Variants in GOLGA1 observed in about 807,000 individuals in gnomAD.
The protein encoded by GOLGA1 is golgin A1.
A neutral mutation model predicts 119.7 loss-of-function variants in GOLGA1; 63 were observed. The ratio of observed to expected loss-of-function variants is 0.53; its 90% CI spans 0.43 to 0.65. GOLGA1 has a LOEUF of 0.65. Ranked by LOEUF, GOLGA1 falls within the 30% of genes least tolerant of loss-of-function variation. The probability of loss-of-function intolerance (pLI) is 0.00; values close to 1 mark genes in which losing one functional copy is unlikely to be tolerated. For synonymous variants in GOLGA1, 318 were observed against 333.4 expected, an observed-to-expected ratio of 0.95 and a Z score of 0.50; for missense variants, 798 against 912.8, an observed-to-expected ratio of 0.87 and a Z score of 1.62.
chr9:124,935,871 G>C (rs898210956), intron 3 of GOLGA1, among the ~76,000 whole-genome samples: 1 of 152,042 alleles, frequency 6.6e-6, no homozygotes, highest in Non-Finnish European at 1.5e-5. Context: ...AGGGTTTCTG[G>C]CTGGTGACTT....
At chr9:124,906,419 A>G (rs144859341) in intron 12 of GOLGA1, among the ~76,000 whole-genome samples, 1,706 of 151,296 alleles carry the variant, frequency 0.011, 12 homozygotes, top group Middle Eastern at 0.024. Context: ...CGACAGAGTG[A>G]GACTCTATCT....
chr9:124,929,099 C>T (rs1350447325), intron 5 of GOLGA1, 117 bp downstream of exon 5: 1 of 689,296 alleles, frequency 1.5e-6, no homozygotes. Flanking sequence ...AAGAAGTACA[C>T]TACTTATAAA....
chr9:124,900,716 C>T (rs909875859), intron 12 of GOLGA1, among the ~76,000 whole-genome samples, 169 bp from the exon 13 acceptor site: 2 of 152,180 alleles, frequency 1.3e-5, no homozygotes, highest in Non-Finnish European at 2.9e-5. Context: ...AGCATTCTAA[C>T]GTATTTTCTT....
chr9:124,884,148 A>G (rs754077515), intron 19 of GOLGA1, among the ~76,000 whole-genome samples: 5 of 151,768 alleles, frequency 3.3e-5, no homozygotes, highest in Non-Finnish European at 7.4e-5. Flanking sequence ...AGTAGCTGGG[A>G]TTACAGGTGT....
intron 2 of GOLGA1, among the ~76,000 whole-genome samples, chr9:124,939,417 T>A (rs535687543): frequency 1.3e-5 from 2 of 152,202 alleles, no homozygotes; most frequent in South Asian, 4.1e-4. Context: ...TAGGAAAAGC[T>A]GGTAACAGAA....
chr9:124,896,943 G>A (rs1037538084), intron 15 of GOLGA1, among the ~76,000 whole-genome samples: 37 of 151,134 alleles, frequency 2.4e-4, no homozygotes, highest in Admixed American at 1.3e-4. Context: ...AAAAAAAAAA[G>A]ACCTGCCAGG....
Position 124,890,448 on chromosome 9 carries a change from C to T in GOLGA1, c.1438G>A (p.Val480Met), listed in dbSNP as rs78804812. ...TCCTCCAGGGCTTGAGCCATGGCCA[C>T]GCTCACAATTTCTCTTTGGCTCCAT... is the stretch of plus-strand genomic sequence containing the variant. ...EEWSQREIVS[V>M]AMAQALEEVR... Residue 480 changes from valine (V) to methionine (M), a missense_variant, in exon 16 of 23, where the codon GTG becomes ATG. Physicochemically the swap from Val to Met is conservative, Grantham distance 21. Transcript: ENST00000373555. 1.9e-5 allele frequency: 30 copies of T among 1,613,758 alleles called. No individual in the cohort carries two copies. Among genetic ancestry groups the T allele is most frequent in the East Asian group, 6.7e-5 (3 of 44,888 alleles).
At chr9:124,922,085 G>A (rs535208859) in intron 8 of GOLGA1, among the ~76,000 whole-genome samples, 193 bp from the exon 9 acceptor site, 7 of 152,036 alleles carry the variant, frequency 4.6e-5, no homozygotes, top group African/African-American at 9.6e-5. Context: ...AACATTAGCC[G>A]GGCGTGGTGG....
At chr9:124,918,651 G>A (rs1478109189) in intron 10 of GOLGA1, among the ~76,000 whole-genome samples, 1 of 152,170 alleles carries the variant, frequency 6.6e-6, no homozygotes, top group African/African-American at 2.4e-5. Context: ...TGCTATTCAG[G>A]AGGCTGAGGT....
chr9:124,881,682 G>T lies in GOLGA1; in HGVS notation c.2136+102C>A. 1 of 809,358 alleles carries T rather than the reference G, an allele frequency of 1.2e-6. No individual in the cohort carries two copies. Among genetic ancestry groups the T allele is most frequent in the South Asian group, 1.8e-5 (1 of 56,614 alleles). The allele number at this position is 809,358 out of a possible 1,614,324, so 50.1% of individuals were successfully genotyped here. ...GGTGACCACAAGGGCGTCAAACCAG[G>T]ATGTACGAGGAAAAGAGAGAAAGGG... On this transcript the variant is annotated intron_variant, in intron 21 of 22. Coordinates refer to ENST00000373555, the MANE Select transcript of GOLGA1 (RefSeq NM_002077.4). This position sits in a 1 kb window ranked among gnomAD's most constrained non-coding sequence, Gnocchi z 4.9.
rs192166647 is a variant in GOLGA1, at chr9:124,916,124, A to C, written c.844-4098T>G. The stretch of plus-strand genomic sequence containing the variant: ...CTCTAAATAAATAAATAAATAAATA[A>C]ATAAATACATAAATATACTTATTTA... On this transcript the variant is annotated intron_variant, in intron 10 of 22. Transcript: ENST00000373555. Among the ~76,000 whole-genome samples the C allele has an allele frequency of 1.9e-3, 293 of 151,246 alleles. 4 individuals are homozygous for C. Among genetic ancestry groups the C allele is most frequent in the Non-Finnish European group, 2.3e-3 (157 of 67,778 alleles).
intron 9 of GOLGA1, 82 bp downstream of exon 9, chr9:124,921,641 G>T: frequency 9.2e-7 from 1 of 1,090,222 alleles, no homozygotes; most frequent in Non-Finnish European, 1.4e-6. Context: ...GTGGTGTAAT[G>T]AACAATGGGG....
intron 13 of GOLGA1, among the ~76,000 whole-genome samples, chr9:124,899,933 C>T (rs1471617044): frequency 6.6e-6 from 1 of 152,270 alleles, no homozygotes; most frequent in Non-Finnish European, 1.5e-5. Flanking sequence ...GCCTCGTCTA[C>T]AGGATGAGGA....
chr9:124,909,796 C>T (rs1830306527), intron 11 of GOLGA1, among the ~76,000 whole-genome samples: 1 of 152,058 alleles, frequency 6.6e-6, no homozygotes, highest in Admixed American at 6.6e-5. Flanking sequence ...TGGAATTTCA[C>T]TCTTGTCGCT....
rs781587310 is a variant in GOLGA1, at chr9:124,881,145, T to C, written c.2223+26A>G. On this transcript the variant is annotated intron_variant, in intron 22 of 22. Coordinates refer to ENST00000373555, the MANE Select transcript of GOLGA1 (RefSeq NM_002077.4). This position sits in a 1 kb window ranked among gnomAD's most constrained non-coding sequence, Gnocchi z 4.9. ...ATAACTGACAACGTATCTTGGAAGC[T>C]GGAACAGTAGACCAGAGAACCCTAC... 7.4e-6 allele frequency: 9 copies of C among 1,210,012 alleles called. No homozygotes were observed. In the African/African-American group the frequency reaches 1.3e-4, roughly 18 times the overall value. 75.0% of individuals were successfully genotyped at this position (1,210,012 alleles called of 1,614,324 possible). A position where few individuals can be genotyped will look rare whatever the true frequency, so the allele number is the denominator to read the frequency against.
intron 2 of GOLGA1, among the ~76,000 whole-genome samples, chr9:124,939,761 C>T (rs963205783): frequency 1.3e-5 from 2 of 151,888 alleles, no homozygotes; most frequent in African/African-American, 2.4e-5. Context: ...GAGGTTTCTC[C>T]GTGTTGGTCA....
intron 15 of GOLGA1, among the ~76,000 whole-genome samples, chr9:124,897,920 C>T (rs1373021902): frequency 6.6e-6 from 1 of 152,158 alleles, no homozygotes; most frequent in Non-Finnish European, 1.5e-5. Flanking sequence ...TACAATGTCC[C>T]ATTATCCAAG....
At chr9:124,932,532 A>T (rs1373051177) in intron 3 of GOLGA1, among the ~76,000 whole-genome samples, 1 of 152,184 alleles carries the variant, frequency 6.6e-6, no homozygotes, top group African/African-American at 2.4e-5. Context: ...CTCATTTGCA[A>T]TCTGTGATAA....
intron 12 of GOLGA1, among the ~76,000 whole-genome samples, chr9:124,906,273 AC>A (rs1471548491): frequency 3.4e-5 from 5 of 148,692 alleles, no homozygotes; most frequent in Non-Finnish European, 7.4e-5. Flanking sequence ...TCTACTAAAT[AC>A]ATAAAAATTA....
Sources: gnomAD v4.1 joint callset for allele counts (sites outside exome capture counted in the v4.1 genomes callset) on GRCh38, gnomAD v4.1.1 for gene constraint, Gnocchi (gnomAD v3.1) non-coding constraint, MANE v1.5 for transcripts, NCBI Gene and HGNC (gene_info 2026-07-23, HGNC 2026-07-21) for gene names.